PPP4R1: variants seen among roughly 807,000 people sequenced by gnomAD.
The protein encoded by PPP4R1 is protein phosphatase 4 regulatory subunit 1.
Under a neutral mutation model 111.2 loss-of-function variants are expected in PPP4R1, and 42 were observed. That is an observed-to-expected ratio of 0.38 (90% CI 0.29 to 0.49). PPP4R1 has a LOEUF of 0.49. PPP4R1 is among the 20% of genes least tolerant of loss of function. The probability of loss-of-function intolerance (pLI) is 0.97; values close to 1 mark genes in which losing one functional copy is unlikely to be tolerated. For missense variants in PPP4R1, 1,012 were observed against 1,161.6 expected, an observed-to-expected ratio of 0.87 and a Z score of 1.87; for synonymous variants, 409 against 405.5, an observed-to-expected ratio of 1.01 and a Z score of -0.10.
intron 2 of PPP4R1, among the ~76,000 whole-genome samples, chr18:9,610,707 C>T (rs986455511): frequency 6.6e-6 from 1 of 152,150 alleles, no homozygotes; most frequent in African/African-American, 2.4e-5. Context: ...GATCCGCCCA[C>T]CTCGGCCTCC....
chr18:9,609,187 CTAAA>C (rs1325602242), intron 2 of PPP4R1, among the ~76,000 whole-genome samples: 2 of 152,146 alleles, frequency 1.3e-5, no homozygotes, highest in African/African-American at 4.8e-5. Context: ...GATATTATCT[CTAAA>C]TAAAGATCTC....
At chr18:9,579,959 T>A (rs933053720) in intron 9 of PPP4R1, among the ~76,000 whole-genome samples, 1 of 152,144 alleles carries the variant, frequency 6.6e-6, no homozygotes, top group African/African-American at 2.4e-5. Context: ...ATATCCATAT[T>A]CTCAAATTAA....
chr18:9,608,832 G>A (rs574219876), intron 2 of PPP4R1, among the ~76,000 whole-genome samples: 9 of 152,170 alleles, frequency 5.9e-5, no homozygotes, highest in Non-Finnish European at 1.3e-4. Flanking sequence ...TTGTTTTGAG[G>A]AGACTGAGAG....
At position 9,583,337 on chromosome 18, in the gene PPP4R1, C is replaced by T. The variant is rs999407499; in HGVS notation, c.760-62G>A. On this transcript the variant is annotated intron_variant, in intron 8 of 19. Transcript: ENST00000400556. ...AGATAGCAGATTTCATCAGTTACTTCGCTTTCATTTTCTGCTTTCACGCTT... is the reference window on the plus strand; with the variant it reads ...AGATAGCAGATTTCATCAGTTACTTTGCTTTCATTTTCTGCTTTCACGCTT... The T allele has an allele frequency of 4.6e-5, 63 of 1,359,078 alleles. No individual in the cohort carries two copies. In the Middle Eastern group the frequency reaches 9.5e-4, roughly 21 times the overall value. The allele number at this position is 1,359,078 out of a possible 1,614,324, so 84.2% of individuals were successfully genotyped here. A position where few individuals can be genotyped will look rare whatever the true frequency, so the allele number is the denominator to read the frequency against.
At chr18:9,604,174 CAG>C (rs1206158664) in intron 2 of PPP4R1, among the ~76,000 whole-genome samples, 1 of 152,052 alleles carries the variant, frequency 6.6e-6, no homozygotes, top group African/African-American at 2.4e-5. Context: ...ATACATGATA[CAG>C]AGTTTTCAAA....
At chr18:9,573,993 T>C (rs1422575399) in intron 10 of PPP4R1, among the ~76,000 whole-genome samples, 1 of 152,216 alleles carries the variant, frequency 6.6e-6, no homozygotes, top group African/African-American at 2.4e-5. Context: ...ATGTCGAAAG[T>C]ATAAATTCTC....
rs190799227 is a variant in PPP4R1, at chr18:9,556,296, G to A, written c.2190+925C>T. On this transcript the variant is annotated intron_variant, in intron 15 of 19. Coordinates refer to ENST00000400556, the MANE Select transcript of PPP4R1 (RefSeq NM_001042388.3). ...CAACCTCCACCTCCTGGGCTCAAGCGATTCTCCTGCCTCAGTCTCCTGAGT... is the reference window on the plus strand; with the variant it reads ...CAACCTCCACCTCCTGGGCTCAAGCAATTCTCCTGCCTCAGTCTCCTGAGT... 2.3e-3 allele frequency among the ~76,000 whole-genome samples: 355 copies of A among 151,756 alleles called. 2 individuals carry two copies. Among genetic ancestry groups the A allele is most frequent in the African/African-American group, 8.3e-3 (343 of 41,450 alleles).
intron 11 of PPP4R1, among the ~76,000 whole-genome samples, chr18:9,568,680 G>C (rs1299965420): frequency 6.6e-6 from 1 of 152,164 alleles, no homozygotes; most frequent in African/African-American, 2.4e-5. Flanking sequence ...AATACAATGA[G>C]AGCTCCCAGA....
chr18:9,549,222 T>G lies in PPP4R1; in HGVS notation c.2664A>C (p.Thr888=). 1 of 1,614,014 alleles carries G rather than the reference T, an allele frequency of 6.2e-7. No individual in the cohort carries two copies. The highest frequency in any genetic ancestry group is 8.5e-7 in the Non-Finnish European group (1 of 1,179,856). Residue 888 remains threonine (T), a synonymous_variant, in exon 19 of 20, where the codon ACA becomes ACC. Transcript: ENST00000400556. ...VPNVRVLLAK[T]LRQTLLEKDY... ...CTTTTTCTAGTAGAGTTTGTCTTAA[T>G]GTCTTTGCAAGCAGCACTCGCACGT...
At chr18:9,549,779 G>A (rs1285951018) in intron 18 of PPP4R1, 7 of 556,140 alleles carry the variant, frequency 1.3e-5, no homozygotes, top group Non-Finnish European at 2.3e-5. Flanking sequence ...AGCAGAACAC[G>A]CACATACCAG....
intron 2 of PPP4R1, among the ~76,000 whole-genome samples, chr18:9,607,972 C>CG (rs2067512879): frequency 6.6e-6 from 1 of 151,696 alleles, no homozygotes; most frequent in Admixed American, 6.6e-5. Flanking sequence ...TTAATAGAGA[C>CG]GGGGTTTCAC....
chr18:9,594,016 T>C (rs911598734), intron 3 of PPP4R1, 142 bp from the exon 4 acceptor site: 4 of 641,760 alleles, frequency 6.2e-6, no homozygotes, highest in Non-Finnish European at 1.1e-5. Context: ...CAGCATTGAC[T>C]TCCCTGGCTC....
chr18:9,568,410 T>C (rs1209420128), intron 11 of PPP4R1, among the ~76,000 whole-genome samples: 5 of 152,218 alleles, frequency 3.3e-5, no homozygotes, highest in African/African-American at 1.2e-4. Context: ...ACCAGCAGTA[T>C]CTCCAAGGTA....
chr18:9,604,178 GT>G (rs988720318), intron 2 of PPP4R1, among the ~76,000 whole-genome samples: 4 of 152,106 alleles, frequency 2.6e-5, no homozygotes, highest in African/African-American at 7.2e-5. Context: ...ATGATACAGA[GT>G]TTTCAAAATT....
intron 4 of PPP4R1, among the ~76,000 whole-genome samples, chr18:9,593,171 A>C (rs7238137): frequency 0.097 from 14,790 of 152,212 alleles, 749 homozygotes; most frequent in African/African-American, 0.12. Context: ...TTCTAAAATC[A>C]AGTATAAAAA....
intron 15 of PPP4R1, among the ~76,000 whole-genome samples, chr18:9,553,794 G>A (rs9948831): frequency 0.18 from 27,681 of 152,194 alleles, 2,879 homozygotes; most frequent in East Asian, 0.49. Flanking sequence ...TAAGCCCTGC[G>A]TGTGACGCTG....
intron 2 of PPP4R1, among the ~76,000 whole-genome samples, chr18:9,606,927 C>A (rs572495923): frequency 6.6e-6 from 1 of 152,264 alleles, no homozygotes; most frequent in East Asian, 1.9e-4. Context: ...TTGGTAGTAA[C>A]CTTTTTTCCC....
At chr18:9,580,758 A>ATC (rs1248171367) in intron 9 of PPP4R1, among the ~76,000 whole-genome samples, 1 of 152,186 alleles carries the variant, frequency 6.6e-6, no homozygotes, top group Non-Finnish European at 1.5e-5. Context: ...CACAGGCTGC[A>ATC]TCGCTCCAGC....
At chr18:9,585,755 T>C in intron 6 of PPP4R1, among the ~76,000 whole-genome samples, 1 of 152,154 alleles carries the variant, frequency 6.6e-6, no homozygotes. Flanking sequence ...AACAATGAAC[T>C]GGAAACATTT....
Sources: allele counts gnomAD v4.1 joint callset (sites outside exome capture counted in the v4.1 genomes callset), GRCh38; gene constraint gnomAD v4.1.1; transcripts MANE v1.5; gene names NCBI Gene and HGNC (gene_info 2026-07-23, HGNC 2026-07-21).